FAM114A2: variants seen among roughly 807,000 people sequenced by gnomAD.
FAM114A2 encodes family with sequence similarity 114 member A2, also known as protein FAM114A2.
In FAM114A2, 53 loss-of-function variants were observed where a neutral mutation model predicts 58.4. The observed-to-expected ratio is 0.91, with a 90% CI of 0.73 to 1.14. The LOEUF is 1.14. FAM114A2 is among the 50% of genes most tolerant of loss of function. The pLI is 0.00. For synonymous variants in FAM114A2, 228 were observed against 211.4 expected, an observed-to-expected ratio of 1.08 and a Z score of -0.68; for missense variants, 601 against 581.1, an observed-to-expected ratio of 1.03 and a Z score of -0.35.
intron 11 of FAM114A2, among the ~76,000 whole-genome samples, chr5:153,999,087 TG>T (rs1239031128): frequency 6.6e-6 from 1 of 151,918 alleles, no homozygotes; most frequent in African/African-American, 2.4e-5. Context: ...TGTACTAAGA[TG>T]AAAAAAAGCA....
chr5:153,996,677 A>C (rs1769578817), intron 12 of FAM114A2, among the ~76,000 whole-genome samples: 1 of 152,196 alleles, frequency 6.6e-6, no homozygotes, highest in Non-Finnish European at 1.5e-5. Flanking sequence ...AAGCCAGACA[A>C]ATAGCCAACC....
At chr5:154,001,315 G>A (rs1035980790) in intron 11 of FAM114A2, among the ~76,000 whole-genome samples, 1 of 152,230 alleles carries the variant, frequency 6.6e-6, no homozygotes, top group Non-Finnish European at 1.5e-5. Flanking sequence ...ACTTTGTGGT[G>A]AAGGAAGGCT....
chr5:154,003,618 G>A (rs905477314), intron 9 of FAM114A2, among the ~76,000 whole-genome samples: 1 of 152,104 alleles, frequency 6.6e-6, no homozygotes, highest in African/African-American at 2.4e-5. Context: ...ATCCCTAGAA[G>A]GTCCCTTCAT....
chr5:154,011,275 A>T lies in FAM114A2; in HGVS notation c.959T>A (p.Leu320Gln). The T allele has an allele frequency of 6.2e-7, 1 of 1,612,838 alleles. No homozygotes were observed. The highest frequency in any genetic ancestry group is 8.5e-7 in the Non-Finnish European group (1 of 1,179,318). ...TKDITELFSQ[L>Q]HVSSKPEKLA... Reference sequence around the variant, plus strand: ...TTTCTCTGGTTTGGAGGAAACGTGCAGCTGGGAAAACAGCTCTGTTATGTC... The same window carrying T: ...TTTCTCTGGTTTGGAGGAAACGTGCTGCTGGGAAAACAGCTCTGTTATGTC... Residue 320 changes from leucine (L) to glutamine (Q), a missense_variant, in exon 9 of 14, where the codon CTG (leucine) becomes CAG (glutamine). Leu to Gln is a moderately radical substitution (Grantham distance 113). Coordinates refer to ENST00000351797, the MANE Select transcript of FAM114A2 (RefSeq NM_018691.4).
At chr5:154,021,141 G>T (rs1235782754) in intron 8 of FAM114A2, among the ~76,000 whole-genome samples, 4 of 152,230 alleles carry the variant, frequency 2.6e-5, no homozygotes, top group Non-Finnish European at 4.4e-5. Context: ...TTGATGGAAC[G>T]TATCTCAAAA....
chr5:154,021,682 T>C (rs1015564276), intron 8 of FAM114A2, among the ~76,000 whole-genome samples: 2 of 152,278 alleles, frequency 1.3e-5, no homozygotes, highest in African/African-American at 2.4e-5. Flanking sequence ...TCCATGCTCA[T>C]AGAGAGGAAG....
At chr5:154,027,028 A>C (rs1308066787) in intron 7 of FAM114A2, 148 bp downstream of exon 7, 10 of 587,634 alleles carry the variant, frequency 1.7e-5, no homozygotes, top group Non-Finnish European at 2.6e-5. Flanking sequence ...ATTAGTTTTT[A>C]AATTTATTTT....
At chr5:154,033,481 A>G (rs1239448344) in intron 4 of FAM114A2, among the ~76,000 whole-genome samples, 2 of 152,256 alleles carry the variant, frequency 1.3e-5, no homozygotes, top group Non-Finnish European at 2.9e-5. Flanking sequence ...CTCTTATTCA[A>G]TTATGCCAAG....
At chr5:154,030,159 T>A (rs938529716) in intron 4 of FAM114A2, among the ~76,000 whole-genome samples, 1 of 152,184 alleles carries the variant, frequency 6.6e-6, no homozygotes, top group South Asian at 2.1e-4. Context: ...AATTTTACTG[T>A]GTGTAAATTA....
chr5:154,029,488 C>T lies in FAM114A2; in HGVS notation c.495+1G>A. On this transcript the variant is annotated splice_donor_variant, in intron 5 of 13. Coordinates refer to ENST00000351797, the MANE Select transcript of FAM114A2 (RefSeq NM_018691.4). LOFTEE classifies it high-confidence loss of function. ...AGACCACCTTGCACTTTTTTACTTA[C>T]TGTGCTCTGAACAGCAGTAGAGATG... The T allele has an allele frequency of 6.4e-7, 1 of 1,565,468 alleles. No individual in the cohort carries two copies. Among genetic ancestry groups the T allele is most frequent in the Non-Finnish European group, 8.8e-7 (1 of 1,136,998 alleles).
intron 8 of FAM114A2, among the ~76,000 whole-genome samples, chr5:154,018,385 C>G (rs894041044): frequency 1.3e-5 from 2 of 151,908 alleles, no homozygotes; most frequent in African/African-American, 4.8e-5. Context: ...CTGAACAAAC[C>G]AATAACAAGC....
In FAM114A2 at chr5:153,990,649, A is replaced by G. The variant is rs1019175633; in HGVS notation, c.*2327T>C. On this transcript the variant is annotated 3_prime_UTR_variant, in exon 14 of 14. Coordinates refer to ENST00000351797, the MANE Select transcript of FAM114A2 (RefSeq NM_018691.4). The stretch of plus-strand genomic sequence containing the variant: ...CAAATTAATAAAGTCTCTCTTAATC[A>G]CAGCCTTTTAAAATCTCAATAGTAG... 3 of 152,190 alleles carry G rather than the reference A, an allele frequency of 2.0e-5. No individual in the cohort carries two copies. Among genetic ancestry groups the G allele is most frequent in the Non-Finnish European group, 4.4e-5 (3 of 68,018 alleles). The allele number at this position is 152,190 out of a possible 1,614,324, so 9.4% of individuals were successfully genotyped here.
chr5:154,008,319 G>A lies in FAM114A2; in HGVS notation c.993+2922C>T, dbSNP rs78777723. Among the ~76,000 whole-genome samples, 536 of 152,204 alleles carry A rather than the reference G, an allele frequency of 3.5e-3. 7 individuals are homozygous for A. Among genetic ancestry groups the A allele is most frequent in the African/African-American group, 0.012 (500 of 41,544 alleles). On this transcript the variant is annotated intron_variant, in intron 9 of 13. Coordinates refer to ENST00000351797, the MANE Select transcript of FAM114A2 (RefSeq NM_018691.4). ...TTTGTGCAGTTTGATTTTTGGAAGCGTATTAATACTGTACATATTCAAAAA... is the reference window on the plus strand; with the variant it reads ...TTTGTGCAGTTTGATTTTTGGAAGCATATTAATACTGTACATATTCAAAAA...
rs1402873566 is a variant in FAM114A2 at position 153,991,806 on chromosome 5, GA to G, written c.*1169del. 2 of 151,278 alleles carry G rather than the reference GA, an allele frequency of 1.3e-5. No individual in the cohort carries two copies. The highest frequency in any genetic ancestry group is 3.9e-4 in the East Asian group (2 of 5,150). 9.4% of individuals were successfully genotyped at this position (151,278 alleles called of 1,614,324 possible). ...TTTTATTACAAAGGTTTTAGAAGAT[GA>G]GGGGCAGAGCTAACAAATTACCTTA... On this transcript the variant is annotated 3_prime_UTR_variant, in exon 14 of 14. Coordinates refer to ENST00000351797, the MANE Select transcript of FAM114A2 (RefSeq NM_018691.4).
intron 12 of FAM114A2, 135 bp downstream of exon 12, chr5:153,997,668 G>A (rs1769665061): frequency 6.6e-6 from 4 of 610,632 alleles, no homozygotes; most frequent in East Asian, 2.8e-5. Flanking sequence ...CTATGGAAAT[G>A]GCCGCGCAAC....
chr5:154,013,384 C>T (rs907177537), intron 8 of FAM114A2, among the ~76,000 whole-genome samples: 2 of 152,156 alleles, frequency 1.3e-5, no homozygotes, highest in Non-Finnish European at 2.9e-5. Context: ...TATTCTCTCC[C>T]CTCTGATACC....
At position 154,029,744 on chromosome 5, in the gene FAM114A2, A is replaced by C. The variant is rs371813091; in HGVS notation, c.404-164T>G. 4.0e-4 allele frequency among the ~76,000 whole-genome samples: 61 copies of C among 152,360 alleles called. 1 individual carries two copies. Among genetic ancestry groups the C allele is most frequent in the African/African-American group, 1.4e-3 (60 of 41,582 alleles). On this transcript the variant is annotated intron_variant, in intron 4 of 13. Transcript: ENST00000351797. ...ATTTGCTTATTTTAAAATGAAAGCT[A>C]AGATAGGCAGTTTTCATTTTCTTTT...
chr5:154,029,515 TAGAG>T lies in FAM114A2; in HGVS notation c.465_468del (p.Phe155LeufsTer15). 1 of 1,609,708 alleles carries T rather than the reference TAGAG, an allele frequency of 6.2e-7. No homozygotes were observed. Among genetic ancestry groups the T allele is most frequent in the Non-Finnish European group, 8.5e-7 (1 of 1,176,388 alleles). ...GTGCTCTGAACAGCAGTAGAGATGG[TAGAG>T]AATACACCAAATGCCCCAGCCACTG... On this transcript the variant is annotated frameshift_variant, in exon 5 of 14. Transcript: ENST00000351797. LOFTEE classifies it high-confidence loss of function.
At chr5:154,015,093 C>T (rs963331154) in intron 8 of FAM114A2, among the ~76,000 whole-genome samples, 4 of 152,244 alleles carry the variant, frequency 2.6e-5, no homozygotes, top group African/African-American at 9.6e-5. Context: ...GAACATAACT[C>T]CATTGACCTG....
Sources: allele counts gnomAD v4.1 joint callset (sites outside exome capture counted in the v4.1 genomes callset), GRCh38; gene constraint gnomAD v4.1.1; transcripts MANE v1.5; gene names NCBI Gene and HGNC (gene_info 2026-07-23, HGNC 2026-07-21).